NUF2: variants seen among roughly 807,000 people sequenced by gnomAD.
NUF2 encodes the protein kinetochore protein Nuf2.
A neutral mutation model predicts 61.8 loss-of-function variants in NUF2; 34 were observed. The observed-to-expected ratio is 0.55, with a 90% CI of 0.42 to 0.73. The LOEUF (loss-of-function observed/expected upper bound fraction) is 0.73. Ranked by LOEUF, NUF2 falls within the 30% of genes least tolerant of loss-of-function variation. The pLI is 0.00. For synonymous variants in NUF2, 172 were observed against 181.6 expected, an observed-to-expected ratio of 0.95 and a Z score of 0.42; for missense variants, 445 against 539.1, an observed-to-expected ratio of 0.83 and a Z score of 1.73.
chr1:163,327,462 G>A (rs778579796), intron 2 of NUF2, 26 bp from the exon 3 acceptor site: 1 of 1,255,486 alleles, frequency 8.0e-7, no homozygotes, highest in Non-Finnish European at 1.2e-6. Context: ...ATGCATCGGA[G>A]TATTCAAAGT....
intron 6 of NUF2, among the ~76,000 whole-genome samples, 172 bp downstream of exon 6, chr1:163,337,020 T>G (rs1650781818): frequency 6.6e-6 from 1 of 152,146 alleles, no homozygotes; most frequent in Non-Finnish European, 1.5e-5. Context: ...GGATAGCATA[T>G]CTCAGAATCA....
At chr1:163,345,903 T>G in intron 11 of NUF2, 85 bp downstream of exon 11, 1 of 971,624 alleles carries the variant, frequency 1.0e-6, no homozygotes, top group South Asian at 1.9e-5. Context: ...TTTTGTTATG[T>G]TTTCCTAAAG....
At chr1:163,348,887 GTT>G in intron 12 of NUF2, 56 bp from the exon 13 acceptor site, 1 of 1,560,866 alleles carries the variant, frequency 6.4e-7, no homozygotes, top group Non-Finnish European at 8.7e-7. Flanking sequence ...CTAGAATTGT[GTT>G]TGCCTTTTTA....
intron 10 of NUF2, among the ~76,000 whole-genome samples, chr1:163,344,200 T>C (rs1651042827): frequency 6.6e-6 from 1 of 152,100 alleles, no homozygotes; most frequent in South Asian, 2.1e-4. Flanking sequence ...TAATTATAAA[T>C]TACAATATAT....
intron 12 of NUF2, 69 bp from the exon 13 acceptor site, chr1:163,348,876 A>G: frequency 6.5e-7 from 1 of 1,528,662 alleles, no homozygotes; most frequent in Non-Finnish European, 8.9e-7. Flanking sequence ...TGGAATCAAA[A>G]CTAGAATTGT....
chr1:163,336,288 A>T (rs2101676415), intron 5 of NUF2, among the ~76,000 whole-genome samples: 1 of 152,264 alleles, frequency 6.6e-6, no homozygotes, highest in East Asian at 1.9e-4. Flanking sequence ...GGCTTCTGCA[A>T]ACTCTAAACT....
At chr1:163,337,915 A>C in intron 6 of NUF2, 105 bp from the exon 7 acceptor site, 1 of 847,166 alleles carries the variant, frequency 1.2e-6, no homozygotes, top group African/African-American at 1.7e-5. Flanking sequence ...CTCTATCTTA[A>C]ATTTTTTATT....
chr1:163,324,849 A>G (rs534430330), intron 1 of NUF2, among the ~76,000 whole-genome samples: 66 of 151,960 alleles, frequency 4.3e-4, no homozygotes, highest in African/African-American at 1.5e-3. Context: ...AACAAGTATT[A>G]TAACAGGGGT....
chr1:163,326,772 T>C (rs1386090461), intron 2 of NUF2, among the ~76,000 whole-genome samples: 3 of 151,088 alleles, frequency 2.0e-5, no homozygotes, highest in South Asian at 4.2e-4. Context: ...TCAAACTTTC[T>C]GATGTCACTA....
intron 5 of NUF2, among the ~76,000 whole-genome samples, chr1:163,336,004 A>G (rs1037929528): frequency 2.0e-5 from 3 of 152,112 alleles, no homozygotes; most frequent in African/African-American, 7.2e-5. Context: ...ATTTATTTAT[A>G]AAGGTTGTTT....
intron 2 of NUF2, among the ~76,000 whole-genome samples, chr1:163,326,940 A>T (rs1178817737): frequency 6.6e-6 from 1 of 152,160 alleles, no homozygotes; most frequent in Non-Finnish European, 1.5e-5. Context: ...ATCAGAACAG[A>T]TTCACAGGTC....
In NUF2 at chr1:163,336,760, G is replaced by C. The variant is rs201079271; in HGVS notation, c.347G>C (p.Arg116Pro). ...TTGCTTTCTATTTTAGAAGCAAAAC[G>C]GACAAGTCGGTTTTTAAGTGGCATT... is the stretch of plus-strand genomic sequence containing the variant. ...TADILCPKAK[R>P]TSRFLSGIIN... The change falls in exon 6 of 14, where the codon CGG (arginine) becomes CCG (proline). Residue 116 changes from arginine (R) to proline (P), a missense_variant. Transcript: ENST00000271452. 1 of 1,608,104 alleles carries C rather than the reference G, an allele frequency of 6.2e-7. No individual in the cohort carries two copies. The highest frequency in any genetic ancestry group is 1.1e-5 in the South Asian group (1 of 90,886).
At chr1:163,338,215 A>T in intron 7 of NUF2, 122 bp downstream of exon 7, 1 of 555,050 alleles carries the variant, frequency 1.8e-6, no homozygotes, top group Non-Finnish European at 3.1e-6. Flanking sequence ...TAAATAGCAG[A>T]GTATTTGAGT....
chr1:163,327,797 G>T, intron 3 of NUF2: 1 of 473,654 alleles, frequency 2.1e-6, no homozygotes, highest in African/African-American at 2.0e-5. Context: ...AGACTTAAAT[G>T]ACACAGATCA....
intron 12 of NUF2, among the ~76,000 whole-genome samples, chr1:163,348,207 T>G (rs1448825928): frequency 6.6e-6 from 1 of 152,156 alleles, no homozygotes; most frequent in Non-Finnish European, 1.5e-5. Flanking sequence ...ATGCTACTGA[T>G]TATTTCATTG....
At chr1:163,352,023 G>A (rs746785538) in intron 13 of NUF2, among the ~76,000 whole-genome samples, 2 of 152,096 alleles carry the variant, frequency 1.3e-5, no homozygotes, top group African/African-American at 2.4e-5. Flanking sequence ...TCCCACATCT[G>A]ACCTTTTCTT....
At chr1:163,324,870 C>T (rs907470579) in intron 1 of NUF2, among the ~76,000 whole-genome samples, 2 of 150,130 alleles carry the variant, frequency 1.3e-5, no homozygotes, top group Non-Finnish European at 3.0e-5. Context: ...AAATGCAAGG[C>T]TCTAGGACAA....
chr1:163,345,533 T>C, intron 10 of NUF2, 145 bp from the exon 11 acceptor site: 1 of 658,158 alleles, frequency 1.5e-6, no homozygotes, highest in Non-Finnish European at 2.6e-6. Flanking sequence ...TAGTGCTGTA[T>C]TACTGACCTA....
intron 13 of NUF2, among the ~76,000 whole-genome samples, chr1:163,354,665 C>G (rs1651429320): frequency 6.6e-6 from 1 of 151,874 alleles, no homozygotes; most frequent in African/African-American, 2.4e-5. Flanking sequence ...TTGTAAAATA[C>G]CAGTTTCTTG....
Sources: allele counts gnomAD v4.1 joint callset (sites outside exome capture counted in the v4.1 genomes callset), GRCh38; gene constraint gnomAD v4.1.1; transcripts MANE v1.5; gene names NCBI Gene and HGNC (gene_info 2026-07-23, HGNC 2026-07-21).